DHX40: variants seen among roughly 807,000 people sequenced by gnomAD.
DHX40 encodes the protein DEAH-box helicase 40, also known as probable ATP-dependent RNA helicase DHX40.
DHX40 carries 28 observed loss-of-function variants against 89.6 expected under a neutral mutation model. The observed-to-expected ratio is 0.31, with a 90% CI of 0.23 to 0.43. The LOEUF is 0.43. Among genes scored for constraint, DHX40 ranks in the 20% least tolerant of loss-of-function variants. The pLI is 1.00. For synonymous variants in DHX40, 226 were observed against 283.6 expected, an observed-to-expected ratio of 0.80 and a Z score of 2.04; for missense variants, 457 against 844.0, an observed-to-expected ratio of 0.54 and a Z score of 5.68.
chr17:59,596,244 G>A (rs913243014), intron 12 of DHX40, among the ~76,000 whole-genome samples: 1 of 152,068 alleles, frequency 6.6e-6, no homozygotes, highest in East Asian at 1.9e-4. Flanking sequence ...TGGCAGTTAG[G>A]TGCTTGAAAT....
At chr17:59,589,063 T>TACCAC (rs1555593920) in intron 12 of DHX40, among the ~76,000 whole-genome samples, 1 of 152,104 alleles carries the variant, frequency 6.6e-6, no homozygotes, top group African/African-American at 2.4e-5. Flanking sequence ...CTTCCACCAA[T>TACCAC]ACCACACTGT....
At chr17:59,570,000 C>T (rs2048770246) in intron 2 of DHX40, among the ~76,000 whole-genome samples, 2 of 141,662 alleles carry the variant, frequency 1.4e-5, no homozygotes, top group South Asian at 2.1e-4. Flanking sequence ...GCCGAGATTG[C>T]GCCATTGCAC....
intron 2 of DHX40, among the ~76,000 whole-genome samples, chr17:59,568,050 T>C (rs1459965254): frequency 6.6e-6 from 1 of 151,554 alleles, no homozygotes; most frequent in Non-Finnish European, 1.5e-5. Flanking sequence ...CTGGCCAACA[T>C]GGTGAAACCC....
At chr17:59,601,670 G>GT (rs909203626) in intron 14 of DHX40, among the ~76,000 whole-genome samples, 1 of 152,236 alleles carries the variant, frequency 6.6e-6, no homozygotes, top group East Asian at 1.9e-4. Context: ...TATGGATTGT[G>GT]TTTTTTTGCT....
At chr17:59,579,435 AT>A in intron 8 of DHX40, 36 bp from the exon 9 acceptor site, 1 of 1,318,606 alleles carries the variant, frequency 7.6e-7, no homozygotes. Context: ...GTCTTCTTTT[AT>A]TTTCCAGAAA....
At chr17:59,569,253 A>G (rs887034970) in intron 2 of DHX40, among the ~76,000 whole-genome samples, 7 of 152,002 alleles carry the variant, frequency 4.6e-5, no homozygotes, top group African/African-American at 1.2e-4. Flanking sequence ...GCTTGAACCC[A>G]GGAGGTAGAG....
At chr17:59,565,826 C>A in intron 1 of DHX40, 43 bp downstream of exon 1, 1 of 1,506,838 alleles carries the variant, frequency 6.6e-7, no homozygotes, top group Non-Finnish European at 9.0e-7. Context: ...GGAGTTACGG[C>A]GTGGGGGTTT....
intron 14 of DHX40, among the ~76,000 whole-genome samples, chr17:59,600,409 G>A (rs1355471180): frequency 1.3e-5 from 2 of 149,910 alleles, no homozygotes; most frequent in East Asian, 3.9e-4. Context: ...AAGACTTACT[G>A]TATATAAGTT....
intron 12 of DHX40, among the ~76,000 whole-genome samples, chr17:59,598,278 T>C (rs2030241748): frequency 6.6e-6 from 1 of 152,196 alleles, no homozygotes; most frequent in East Asian, 1.9e-4. Flanking sequence ...TGAAACACTA[T>C]GTACATATGC....
At position 59,605,601 on chromosome 17, in the gene DHX40, T is replaced by C. The variant is rs1313271342; in HGVS notation, c.2127T>C (p.Ser709=). ...AATTTAATGCACATGATTTGAGCAGTGTGGCCCGACGTGAAGTGAGAGAAG... is the reference window on the plus strand; with the variant it reads ...AATTTAATGCACATGATTTGAGCAGCGTGGCCCGACGTGAAGTGAGAGAAG... The part of the protein sequence containing the change: ...LHEFNAHDLS[S]VARREVREDA... Residue 709 remains serine, a synonymous_variant, in exon 17 of 18, where the codon AGT becomes AGC. Coordinates refer to ENST00000251241, the MANE Select transcript of DHX40 (RefSeq NM_024612.5). 6.2e-7 allele frequency: 1 copy of C among 1,614,006 alleles called. No individual in the cohort carries two copies. Among genetic ancestry groups the C allele is most frequent in the East Asian group, 2.2e-5 (1 of 44,888 alleles).
At chr17:59,602,665 G>T in intron 15 of DHX40, 49 bp downstream of exon 15, 3 of 1,438,306 alleles carry the variant, frequency 2.1e-6, no homozygotes, top group South Asian at 2.4e-5. Context: ...TACTGTATTT[G>T]ACTATAATAT....
intron 3 of DHX40, 92 bp downstream of exon 3, chr17:59,570,755 C>A: frequency 1.5e-6 from 2 of 1,341,844 alleles, no homozygotes; most frequent in Non-Finnish European, 2.0e-6. Context: ...GCAATCATGG[C>A]TCTCTGTAGC....
intron 10 of DHX40, among the ~76,000 whole-genome samples, chr17:59,581,248 TAAAG>T (rs2048942964): frequency 8.7e-6 from 1 of 114,474 alleles, no homozygotes; most frequent in Non-Finnish European, 1.8e-5. Flanking sequence ...ACACGTGAAA[TAAAG>T]GAAGAACAGT....
Position 59,566,862 on chromosome 17 carries a change from C to T in DHX40, c.280+68C>T. 3.0e-6 allele frequency: 4 copies of T among 1,353,550 alleles called. No individual in the cohort carries two copies. In the South Asian group the frequency reaches 4.8e-5, roughly 16 times the overall value. 83.8% of individuals were successfully genotyped at this position (1,353,550 alleles called of 1,614,324 possible). On this transcript the variant is annotated intron_variant, in intron 2 of 17. Coordinates refer to ENST00000251241, the MANE Select transcript of DHX40 (RefSeq NM_024612.5). ...ATCCTCTTTTTAAAGGCCAGTAGGA[C>T]TTCTGTACTCCATGATTGCCCAGTA...
intron 16 of DHX40, 102 bp from the exon 17 acceptor site, chr17:59,605,344 A>C (rs1262942224): frequency 3.7e-6 from 5 of 1,348,542 alleles, no homozygotes; most frequent in Non-Finnish European, 5.1e-6. Context: ...CTGTTTGAAG[A>C]AGATAGGAAT....
At chr17:59,574,956 G>C (rs1347286801) in intron 6 of DHX40, among the ~76,000 whole-genome samples, 1 of 152,212 alleles carries the variant, frequency 6.6e-6, no homozygotes, top group Non-Finnish European at 1.5e-5. Context: ...TTGTACTAAT[G>C]TCAGAAGTGA....
rs756250614 is a variant in DHX40 at position 59,608,091 on chromosome 17, C to G, written c.*919C>G. On this transcript the variant is annotated 3_prime_UTR_variant, in exon 18 of 18. Transcript: ENST00000251241. ...TTCGAAGCAGACAACACTATTTCAT[C>G]GTGTTTCAAATTGGAACCTTGAGGC... 3.2e-5 allele frequency: 5 copies of G among 154,722 alleles called. No homozygotes were observed. Among genetic ancestry groups the G allele is most frequent in the Middle Eastern group, 5.1e-4 (1 of 1,948 alleles). The allele number at this position is 154,722 out of a possible 1,614,324, so 9.6% of individuals were successfully genotyped here. A position where few individuals can be genotyped will look rare whatever the true frequency, so the allele number is the denominator to read the frequency against.
intron 14 of DHX40, 76 bp from the exon 15 acceptor site, chr17:59,602,446 T>C (rs1235799008): frequency 3.8e-6 from 5 of 1,323,130 alleles, no homozygotes; most frequent in Non-Finnish European, 5.2e-6. Flanking sequence ...TCTTTAGAAA[T>C]GTGGATTTTT....
intron 13 of DHX40, 114 bp downstream of exon 13, chr17:59,598,965 G>C: frequency 1.7e-6 from 1 of 597,784 alleles, no homozygotes; most frequent in Non-Finnish European, 3.1e-6. Flanking sequence ...TTGACTTCAA[G>C]GTATTTTGAA....
Sources: allele counts gnomAD v4.1 joint callset (sites outside exome capture counted in the v4.1 genomes callset), GRCh38; gene constraint gnomAD v4.1.1; transcripts MANE v1.5; gene names NCBI Gene and HGNC (gene_info 2026-07-23, HGNC 2026-07-21).